Variants in HGF observed in about 807,000 individuals in gnomAD.
HGF encodes the protein hepatocyte growth factor, also known as fibroblast-derived tumor cytotoxic factor.
HGF carries 39 observed loss-of-function variants against 111.6 expected under a neutral mutation model. The ratio of observed to expected loss-of-function variants is 0.35; its 90% CI spans 0.27 to 0.46. HGF has a LOEUF of 0.46. Ranked by LOEUF, HGF falls within the 20% of genes least tolerant of loss-of-function variation. The probability of loss-of-function intolerance (pLI) is 1.00; values close to 1 mark genes in which losing one functional copy is unlikely to be tolerated. For synonymous variants in HGF, 285 were observed against 294.8 expected (o/e 0.97, Z 0.34); for missense variants, 735 against 910.5 (o/e 0.81, Z 2.48).
At position 81,726,003 on chromosome 7, in the gene HGF, T is replaced by G. The variant is rs897695006; in HGVS notation, c.1055A>C (p.Asn352Thr). 6.2e-7 allele frequency: 1 copy of G among 1,613,942 alleles called. No individual in the cohort carries two copies. Among genetic ancestry groups the G allele is most frequent in the Non-Finnish European group, 8.5e-7 (1 of 1,179,934 alleles). ...ENFKCKDLRE[N>T]YCRNPDGSES... ...AGACCCATCTGGATTTCGGCAGTAA[T>G]TTTCTCGTAGGTCCCTATTGAGAAT... The change falls in exon 9 of 18, where the codon AAT (asparagine) becomes ACT (threonine). Residue 352 changes from asparagine (N) to threonine (T), a missense_variant. By Grantham distance (65) the Asn-to-Thr change is moderately conservative. Coordinates refer to ENST00000222390, the MANE Select transcript of HGF (RefSeq NM_000601.6).
intron 2 of HGF, among the ~76,000 whole-genome samples, chr7:81,761,706 A>G (rs1053349118): frequency 2.1e-5 from 3 of 146,098 alleles, no homozygotes; most frequent in Admixed American, 7.2e-5. Context: ...AAAGAGTTTT[A>G]TCTTCTGGGA....
intron 7 of HGF, among the ~76,000 whole-genome samples, chr7:81,741,270 T>C (rs1787991072): frequency 6.6e-6 from 1 of 151,756 alleles, no homozygotes; most frequent in African/African-American, 2.4e-5. Context: ...AGGTTTGGCT[T>C]ACAAATTCTG....
chr7:81,746,923 G>A (rs568043613), intron 5 of HGF, among the ~76,000 whole-genome samples: 1 of 152,268 alleles, frequency 6.6e-6, no homozygotes, highest in South Asian at 2.1e-4. Flanking sequence ...ATCCTGTTAA[G>A]AGGCAAGTTC....
chr7:81,759,825 T>C (rs1788973128), intron 2 of HGF, among the ~76,000 whole-genome samples: 2 of 152,198 alleles, frequency 1.3e-5, no homozygotes, highest in African/African-American at 4.8e-5. Flanking sequence ...CTTTTTGACA[T>C]AACATCTTAA....
At chr7:81,747,228 A>G (rs1788298445) in intron 5 of HGF, among the ~76,000 whole-genome samples, 1 of 152,136 alleles carries the variant, frequency 6.6e-6, no homozygotes, top group South Asian at 2.1e-4. Flanking sequence ...AGTCCCAGCT[A>G]CTCGGGAGGC....
intron 10 of HGF, 127 bp from the exon 11 acceptor site, chr7:81,717,492 G>C: frequency 1.0e-6 from 1 of 966,944 alleles, no homozygotes; most frequent in Admixed American, 1.8e-5. Flanking sequence ...TTTTACTTGG[G>C]ATGAATTTTA....
intron 13 of HGF, among the ~76,000 whole-genome samples, chr7:81,709,551 T>G (rs568776918): frequency 2.0e-5 from 3 of 152,300 alleles, no homozygotes; most frequent in Non-Finnish European, 4.4e-5. Flanking sequence ...TGATTTTATG[T>G]AGAATATGTC....
At position 81,767,718 on chromosome 7, in the gene HGF, A is replaced by G. The variant is rs145166112; in HGVS notation, c.88+2166T>C. Among the ~76,000 whole-genome samples the G allele has an allele frequency of 4.7e-3, 709 of 152,312 alleles. 24 individuals carry two copies. Among genetic ancestry groups the G allele is most frequent in the Admixed American group, 0.043 (654 of 15,290 alleles). The stretch of plus-strand genomic sequence containing the variant: ...ATCTCCATAGTGTATTCTGTTGATA[A>G]CTGGTTGTCAACTTACAGTATATAC... On this transcript the variant is annotated intron_variant, in intron 1 of 17. Coordinates refer to ENST00000222390, the MANE Select transcript of HGF (RefSeq NM_000601.6).
chr7:81,743,313 G>A (rs1788083671), intron 7 of HGF, 40 bp downstream of exon 7: 2 of 1,137,818 alleles, frequency 1.8e-6, no homozygotes, highest in Non-Finnish European at 2.7e-6. Context: ...GATCCAGTCT[G>A]TGAGAGGAAA....
intron 11 of HGF, among the ~76,000 whole-genome samples, chr7:81,715,349 T>G (rs1314985060): frequency 2.6e-5 from 4 of 152,072 alleles, no homozygotes; most frequent in Non-Finnish European, 5.9e-5. Flanking sequence ...AATAATCTTT[T>G]AATAATTTTT....
intron 11 of HGF, among the ~76,000 whole-genome samples, chr7:81,713,297 C>A (rs926795124): frequency 2.0e-5 from 3 of 151,906 alleles, no homozygotes; most frequent in African/African-American, 7.3e-5. Context: ...GAGGCCGAGG[C>A]GGATGGATCA....
intron 7 of HGF, among the ~76,000 whole-genome samples, chr7:81,742,413 TG>T (rs1226346648): frequency 3.9e-5 from 6 of 152,222 alleles, no homozygotes; most frequent in Non-Finnish European, 8.8e-5. Flanking sequence ...TTACTCTAGG[TG>T]CTGGTGCCTG....
chr7:81,711,486 A>G lies in HGF; in HGVS notation c.1439T>C (p.Leu480Ser). The G allele has an allele frequency of 6.8e-7, 1 of 1,464,386 alleles. No homozygotes were observed. Among genetic ancestry groups the G allele is most frequent in the Non-Finnish European group, 9.5e-7 (1 of 1,054,448 alleles). The allele number at this position is 1,464,386 out of a possible 1,614,324, so 90.7% of individuals were successfully genotyped here. A position where few individuals can be genotyped will look rare whatever the true frequency, so the allele number is the denominator to read the frequency against. Reference protein sequence around the residue: ...EGDTTPTIVNLDHPVISCAKT... With the variant: ...EGDTTPTIVNSDHPVISCAKT... ...TATTGTGAAATATTACTTACGGTCT[A>G]AATTGACTATTGTAGGTGTGGTATC... The change falls in exon 12 of 18, where the codon TTA becomes TCA. Residue 480 changes from leucine to serine, a missense_variant. Around this residue, in one of 3 missense-constraint regions of HGF, gnomAD observed 553 missense variants for 685.6 expected, o/e 0.81. Transcript: ENST00000222390.
intron 4 of HGF, chr7:81,756,363 A>G (rs903222373): frequency 3.3e-6 from 1 of 300,890 alleles, no homozygotes; most frequent in African/African-American, 2.2e-5. Flanking sequence ...ATGCATTACT[A>G]ATAAGGGGAG....
At chr7:81,723,100 G>C (rs908779613) in intron 9 of HGF, among the ~76,000 whole-genome samples, 2 of 151,928 alleles carry the variant, frequency 1.3e-5, no homozygotes, top group Non-Finnish European at 2.9e-5. Context: ...GAAATTGTCT[G>C]TACAACAAAC....
intron 17 of HGF, 66 bp downstream of exon 17, chr7:81,705,324 A>G (rs2115757811): frequency 6.6e-7 from 1 of 1,509,740 alleles, no homozygotes; most frequent in Non-Finnish European, 9.2e-7. Flanking sequence ...AAATAAACAG[A>G]AAAAAATAAA....
At chr7:81,710,305 A>G (rs1004956854) in intron 12 of HGF, 62 bp from the exon 13 acceptor site, 1 of 1,054,330 alleles carries the variant, frequency 9.5e-7, no homozygotes, top group South Asian at 1.3e-5. Flanking sequence ...AGTGCCTCTT[A>G]GTTTTCTTAA....
At chr7:81,712,469 TA>T (rs1406008894) in intron 11 of HGF, among the ~76,000 whole-genome samples, 8 of 151,986 alleles carry the variant, frequency 5.3e-5, no homozygotes, top group African/African-American at 7.3e-5. Flanking sequence ...CAGATGCGAG[TA>T]AAAAAATATG....
At chr7:81,708,083 A>C (rs945469501) in intron 13 of HGF, among the ~76,000 whole-genome samples, 6 of 152,114 alleles carry the variant, frequency 3.9e-5, no homozygotes, top group Admixed American at 3.9e-4. Context: ...AAAAAGCACA[A>C]CTTTTCATAA....
Sources: gnomAD v4.1 joint callset for allele counts (sites outside exome capture counted in the v4.1 genomes callset) on GRCh38, gnomAD v4.1.1 for gene constraint, gnomAD v4.1.1 regional missense constraint, MANE v1.5 for transcripts, NCBI Gene and HGNC (gene_info 2026-07-23, HGNC 2026-07-21) for gene names.